The following CCDC171 variants were observed in gnomAD, a reference collection of about 807,000 sequenced individuals.
The protein encoded by CCDC171 is coiled-coil domain-containing protein 171.
In CCDC171, 177 loss-of-function variants were observed where a neutral mutation model predicts 168.2. The ratio of observed to expected loss-of-function variants is 1.05; its 90% CI spans 0.93 to 1.19. CCDC171 has a LOEUF of 1.19. CCDC171 is among the 50% of genes most tolerant of loss of function. CCDC171 has a pLI of 0.00. For missense variants in CCDC171, 1,991 were observed against 1,539.0 expected (o/e 1.29, Z -4.91); for synonymous variants, 687 against 540.8 (o/e 1.27, Z -3.75).
intron 20 of CCDC171, 124 bp downstream of exon 20, chr9:15,779,274 A>G: frequency 1.9e-6 from 1 of 522,732 alleles, no homozygotes; most frequent in Admixed American, 4.3e-5. Flanking sequence ...TATTAATAAC[A>G]TCTCTTTTTC....
At chr9:15,613,373 T>A (rs2131884504) in intron 6 of CCDC171, among the ~76,000 whole-genome samples, 1 of 152,282 alleles carries the variant, frequency 6.6e-6, no homozygotes, top group Non-Finnish European at 1.5e-5. Context: ...GTTAAGTTCT[T>A]GGAGCATATT....
intron 2 of CCDC171, among the ~76,000 whole-genome samples, chr9:15,568,305 CTG>C (rs1563954410): frequency 7.5e-6 from 1 of 133,404 alleles, no homozygotes; most frequent in Non-Finnish European, 1.5e-5. Flanking sequence ...GAGTCTTGCT[CTG>C]TTGCCCAGGC....
At chr9:15,881,221 C>T (rs955552296) in intron 24 of CCDC171, among the ~76,000 whole-genome samples, 4 of 152,056 alleles carry the variant, frequency 2.6e-5, no homozygotes, top group Non-Finnish European at 5.9e-5. Context: ...AAAATTTCTT[C>T]AAAATTTCCT....
chr9:15,938,771 A>C (rs1344486096), intron 25 of CCDC171, among the ~76,000 whole-genome samples: 1 of 151,890 alleles, frequency 6.6e-6, no homozygotes, highest in Non-Finnish European at 1.5e-5. Flanking sequence ...GCCTGACACC[A>C]ACTGGAAAGA....
At chr9:15,846,267 G>T (rs990759785) in intron 21 of CCDC171, among the ~76,000 whole-genome samples, 1 of 151,916 alleles carries the variant, frequency 6.6e-6, no homozygotes, top group South Asian at 2.1e-4. Flanking sequence ...AGATATCCTG[G>T]TCTATCATTT....
At chr9:15,984,850 G>A (rs1486634666) in intron 3 of CCDC171, among the ~76,000 whole-genome samples, 1 of 152,074 alleles carries the variant, frequency 6.6e-6, no homozygotes, top group African/African-American at 2.4e-5. Flanking sequence ...AACAGATATT[G>A]TGCTAAGTTT....
Position 15,744,521 on chromosome 9 carries a change from A to G in CCDC171, c.2298A>G (p.Lys766=), listed in dbSNP as rs1447531712. 6.2e-7 allele frequency: 1 copy of G among 1,614,228 alleles called. No individual in the cohort carries two copies. Among genetic ancestry groups the G allele is most frequent in the Admixed American group, 1.7e-5 (1 of 60,022 alleles). ...AGGTCAACACCTTTGAGTTGTTCAA[A>G]CTGGAAATTAGAACTCTAGCCCAGG... The part of the protein sequence containing the change: ...QEQVNTFELF[K]LEIRTLAQAL... The change falls in exon 17 of 26, where the codon AAA becomes AAG. Residue 766 remains lysine (K), a synonymous_variant. Transcript: ENST00000380701.
intron 5 of CCDC171, among the ~76,000 whole-genome samples, chr9:15,592,793 G>T (rs560288322): frequency 3.4e-4 from 51 of 152,150 alleles, no homozygotes; most frequent in Admixed American, 1.4e-3. Flanking sequence ...GAAGGTAGAA[G>T]ATTTTGATCT....
At chr9:15,626,600 A>C (rs1044652612) in intron 7 of CCDC171, among the ~76,000 whole-genome samples, 1 of 152,186 alleles carries the variant, frequency 6.6e-6, no homozygotes, top group Admixed American at 6.5e-5. Context: ...GGGTCTGTTT[A>C]TATGATGGAT....
At chr9:16,090,395 A>T in the CCDC171 span, among the ~76,000 whole-genome samples, 4 of 152,078 alleles carry the variant, frequency 2.6e-5, no homozygotes, top group Middle Eastern at 3.2e-3. Context: ...GGAGGGGAAC[A>T]TCACACACCG....
intron 3 of CCDC171, among the ~76,000 whole-genome samples, chr9:16,009,922 T>C (rs968116100): frequency 6.6e-6 from 1 of 152,202 alleles, no homozygotes; most frequent in African/African-American, 2.4e-5. Context: ...GCGAATTGAA[T>C]GCTGGCAACT....
chr9:15,605,754 C>T (rs773099523), intron 6 of CCDC171, among the ~76,000 whole-genome samples: 2 of 151,902 alleles, frequency 1.3e-5, no homozygotes, highest in South Asian at 4.2e-4. Flanking sequence ...AAGGGTCTTG[C>T]CCCTTTCACC....
the CCDC171 span, among the ~76,000 whole-genome samples, chr9:16,081,565 C>G: frequency 6.6e-6 from 1 of 152,216 alleles, no homozygotes; most frequent in Non-Finnish European, 1.5e-5. Flanking sequence ...TGGTACAACA[C>G]CAGCACATGC....
chr9:16,073,985 C>T, the CCDC171 span, among the ~76,000 whole-genome samples: 1 of 152,300 alleles, frequency 6.6e-6, no homozygotes, highest in Middle Eastern at 3.4e-3. Flanking sequence ...AAGGCCAGAG[C>T]CCTTCTAGAA....
At chr9:15,794,567 C>G (rs1472545213) in intron 21 of CCDC171, among the ~76,000 whole-genome samples, 1 of 151,622 alleles carries the variant, frequency 6.6e-6, no homozygotes. Flanking sequence ...ACTTTTCCCA[C>G]TTATTCTGTT....
chr9:16,021,570 AAT>A (rs1468123448), intron 4 of CCDC171, among the ~76,000 whole-genome samples: 1 of 152,224 alleles, frequency 6.6e-6, no homozygotes, highest in African/African-American at 2.4e-5. Context: ...CTAGATTTGC[AAT>A]AAATTGCTTA....
intron 7 of CCDC171, among the ~76,000 whole-genome samples, chr9:15,645,976 A>G (rs1402060974): frequency 6.6e-6 from 1 of 152,312 alleles, no homozygotes; most frequent in East Asian, 1.9e-4. Flanking sequence ...TGAAGATAAA[A>G]ATGTTAAGGG....
chr9:15,834,464 T>C (rs2060356565), intron 21 of CCDC171, among the ~76,000 whole-genome samples: 1 of 152,216 alleles, frequency 6.6e-6, no homozygotes, highest in Admixed American at 6.5e-5. Flanking sequence ...TTAGTAATAT[T>C]GCACTGTTAT....
chr9:15,777,399 G>C (rs189709527), intron 18 of CCDC171, among the ~76,000 whole-genome samples: 44 of 152,156 alleles, frequency 2.9e-4, no homozygotes, highest in Admixed American at 6.5e-4. Context: ...TTTTTTTGAT[G>C]TATTCTTTAG....
Sources: gnomAD v4.1 joint callset for allele counts (sites outside exome capture counted in the v4.1 genomes callset) on GRCh38, gnomAD v4.1.1 for gene constraint, MANE v1.5 for transcripts, NCBI Gene and HGNC (gene_info 2026-07-23, HGNC 2026-07-21) for gene names.